The following USP47 variants were observed in gnomAD, a reference collection of about 807,000 sequenced individuals.
USP47 encodes ubiquitin carboxyl-terminal hydrolase 47.
USP47 carries 35 observed loss-of-function variants against 165.1 expected under a neutral mutation model. The observed-to-expected ratio is 0.21, with a 90% CI of 0.16 to 0.28. USP47 has a LOEUF of 0.28. Among genes scored for constraint, USP47 ranks in the 10% least tolerant of loss-of-function variants. The pLI is 1.00. For missense variants in USP47, 1,277 were observed against 1,607.4 expected (o/e 0.79, Z 3.52); for synonymous variants, 531 against 544.5 (o/e 0.98, Z 0.35).
In USP47 at chr11:11,930,195, A is replaced by C. The variant is rs1010101335; in HGVS notation, c.1595+75A>C. On this transcript the variant is annotated intron_variant, in intron 13 of 27. Transcript: ENST00000527733. Reference sequence around the variant, plus strand: ...CTTCTCAGTGTTTTTTTATCATCAAAGATTTAACCAAGGGATTGAGGAACT... The same window carrying C: ...CTTCTCAGTGTTTTTTTATCATCAACGATTTAACCAAGGGATTGAGGAACT... 5 of 1,353,480 alleles carry C rather than the reference A, an allele frequency of 3.7e-6. No homozygotes were observed. In the African/African-American group the frequency reaches 5.8e-5, roughly 16 times the overall value. The allele number at this position is 1,353,480 out of a possible 1,614,324, so 83.8% of individuals were successfully genotyped here.
At chr11:11,872,668 G>T (rs966156807) in intron 1 of USP47, among the ~76,000 whole-genome samples, 1 of 152,172 alleles carries the variant, frequency 6.6e-6, no homozygotes. Flanking sequence ...TGAGAGCAGG[G>T]TGAACAGTGT....
At position 11,959,940 on chromosome 11, in the gene USP47, C is replaced by T. The variant is rs1847379750; in HGVS notation, c.*3765C>T. On this transcript the variant is annotated 3_prime_UTR_variant, in exon 28 of 28. Transcript: ENST00000527733. ...CTGCCCTCTCCCCACCTGTTTTCAGCCTCTTTTATAATGCTTAAGTAACCT... is the reference window on the plus strand; with the variant it reads ...CTGCCCTCTCCCCACCTGTTTTCAGTCTCTTTTATAATGCTTAAGTAACCT... 6.6e-6 allele frequency among the ~76,000 whole-genome samples: 1 copy of T among 152,110 alleles called. No individual in the cohort carries two copies. The highest frequency in any genetic ancestry group is 6.5e-5 in the Admixed American group (1 of 15,276).
intron 16 of USP47, 108 bp from the exon 17 acceptor site, chr11:11,936,195 T>C (rs1457773390): frequency 3.9e-6 from 2 of 511,732 alleles, no homozygotes; most frequent in Non-Finnish European, 5.5e-6. Context: ...TTAGGGCCTA[T>C]TGTAATGTTA....
chr11:11,923,786 C>G (rs1018813645), intron 11 of USP47, among the ~76,000 whole-genome samples: 1 of 152,178 alleles, frequency 6.6e-6, no homozygotes, highest in Non-Finnish European at 1.5e-5. Context: ...TTAAAATTAT[C>G]TGTTTCATTC....
chr11:11,851,349 A>T (rs1848716213), intron 1 of USP47, among the ~76,000 whole-genome samples: 1 of 152,196 alleles, frequency 6.6e-6, no homozygotes, highest in African/African-American at 2.4e-5. Context: ...TGAAGAGTAG[A>T]AGAGGAGGTC....
At chr11:11,940,299 C>A in intron 18 of USP47, 130 bp from the exon 19 acceptor site, 1 of 914,578 alleles carries the variant, frequency 1.1e-6, no homozygotes, top group Non-Finnish European at 1.5e-6. Flanking sequence ...AATTTTAAAA[C>A]CTCTACTAAA....
intron 1 of USP47, among the ~76,000 whole-genome samples, chr11:11,858,880 A>G (rs1772974973): frequency 6.6e-6 from 1 of 152,186 alleles, no homozygotes. Context: ...TTGGGTGGAC[A>G]TATGTCTTCA....
At chr11:11,917,996 C>T (rs1490713041) in intron 8 of USP47, among the ~76,000 whole-genome samples, 1 of 152,068 alleles carries the variant, frequency 6.6e-6, no homozygotes, top group Non-Finnish European at 1.5e-5. Context: ...TGCATGGTCT[C>T]CAAGTATCTC....
At chr11:11,925,228 C>T (rs2134638459) in intron 11 of USP47, among the ~76,000 whole-genome samples, 1 of 152,096 alleles carries the variant, frequency 6.6e-6, no homozygotes, top group South Asian at 2.1e-4. Context: ...CTGCCTCAGC[C>T]TCCTGAGTAG....
chr11:11,888,669 TGAAAAG>T (rs756027815), intron 3 of USP47, among the ~76,000 whole-genome samples: 1 of 152,038 alleles, frequency 6.6e-6, no homozygotes, highest in Non-Finnish European at 1.5e-5. Flanking sequence ...TCCAAAAAAT[TGAAAAG>T]GAAGAACTCC....
At chr11:11,927,971 A>C (rs888667823) in intron 11 of USP47, among the ~76,000 whole-genome samples, 16 of 151,982 alleles carry the variant, frequency 1.1e-4, no homozygotes, top group African/African-American at 3.9e-4. Flanking sequence ...ATACAATTCT[A>C]ATTTGGAAGG....
intron 1 of USP47, among the ~76,000 whole-genome samples, chr11:11,877,178 T>C (rs935593203): frequency 5.9e-5 from 9 of 152,174 alleles, no homozygotes; most frequent in Non-Finnish European, 8.8e-5. Flanking sequence ...CCATATCTTA[T>C]TGGTGGTATC....
chr11:11,907,379 T>A (rs769343406), intron 8 of USP47, among the ~76,000 whole-genome samples: 1 of 152,194 alleles, frequency 6.6e-6, no homozygotes, highest in Non-Finnish European at 1.5e-5. Context: ...TAAAACTTTC[T>A]AGACTTTGCT....
intron 1 of USP47, among the ~76,000 whole-genome samples, chr11:11,862,993 G>T (rs773098085): frequency 6.6e-6 from 1 of 152,132 alleles, no homozygotes; most frequent in Non-Finnish European, 1.5e-5. Context: ...CCCACTTAGG[G>T]CTAAGAAGAC....
At chr11:11,938,118 ATT>A in intron 17 of USP47, 137 bp from the exon 18 acceptor site, 1 of 643,926 alleles carries the variant, frequency 1.6e-6, no homozygotes, top group Non-Finnish European at 2.6e-6. Flanking sequence ...GGTGATTTAT[ATT>A]TATTCAGTGT....
chr11:11,892,153 A>G, intron 4 of USP47, 47 bp downstream of exon 4: 1 of 1,569,120 alleles, frequency 6.4e-7, no homozygotes, highest in Non-Finnish European at 8.7e-7. Flanking sequence ...TTAGATCCAA[A>G]GTAATCTTAG....
intron 26 of USP47, 42 bp from the exon 27 acceptor site, chr11:11,954,992 A>G: frequency 6.2e-7 from 1 of 1,613,614 alleles, no homozygotes; most frequent in Non-Finnish European, 8.5e-7. Flanking sequence ...TGATAAACAC[A>G]GCTAGTGGCA....
rs1455300897 is a variant in USP47, at chr11:11,858,032, G to C, written c.39+15808G>C. Among the ~76,000 whole-genome samples the C allele has an allele frequency of 2.0e-5, 3 of 152,156 alleles. No individual in the cohort carries two copies. The East Asian group carries it at 5.8e-4, about 29-fold the overall frequency. ...CATTTACATGAGGTGAATACCAAGT[G>C]ACCAATGGGAAACCTTTGGCAGGTA... On this transcript the variant is annotated intron_variant, in intron 1 of 27. Coordinates refer to ENST00000527733, the MANE Select transcript of USP47 (RefSeq NM_001282659.2).
intron 1 of USP47, among the ~76,000 whole-genome samples, chr11:11,872,636 C>T (rs1211599314): frequency 6.6e-6 from 1 of 152,154 alleles, no homozygotes; most frequent in Non-Finnish European, 1.5e-5. Context: ...AGATTAGTTA[C>T]CACTGCACAG....
Sources: gnomAD v4.1 joint callset for allele counts (sites outside exome capture counted in the v4.1 genomes callset) on GRCh38, gnomAD v4.1.1 for gene constraint, MANE v1.5 for transcripts, NCBI Gene and HGNC (gene_info 2026-07-23, HGNC 2026-07-21) for gene names.